The following GPC5 variants were observed in gnomAD, a reference collection of about 807,000 sequenced individuals.
GPC5 encodes glypican 5.
Under a neutral mutation model 53.9 loss-of-function variants are expected in GPC5, and 47 were observed. The observed-to-expected ratio is 0.87, with a 90% CI of 0.69 to 1.11. The LOEUF (loss-of-function observed/expected upper bound fraction) is 1.11, where lower values mean the gene tolerates loss of function less well. GPC5 is among the 50% of genes most tolerant of loss of function. The pLI is 0.00. For synonymous variants in GPC5, 286 were observed against 263.3 expected (o/e 1.09, Z -0.84); for missense variants, 748 against 713.1 (o/e 1.05, Z -0.56).
At chr13:91,500,203 T>C (rs950000892) in intron 2 of GPC5, among the ~76,000 whole-genome samples, 2 of 152,214 alleles carry the variant, frequency 1.3e-5, no homozygotes, top group African/African-American at 4.8e-5. Context: ...AGAATACAAA[T>C]CCTTGAGGAT....
chr13:91,591,454 T>C (rs186592668), intron 2 of GPC5, among the ~76,000 whole-genome samples: 8 of 152,226 alleles, frequency 5.3e-5, no homozygotes, highest in Non-Finnish European at 1.0e-4. Flanking sequence ...CCGGGGTTCT[T>C]GGTATTTTTT....
chr13:92,738,693 G>A (rs1889006202), intron 7 of GPC5, among the ~76,000 whole-genome samples: 1 of 151,966 alleles, frequency 6.6e-6, no homozygotes, highest in Non-Finnish European at 1.5e-5. Context: ...TTTTCCTCAG[G>A]TTATTCTGTC....
At chr13:92,587,857 T>A (rs907229598) in intron 7 of GPC5, among the ~76,000 whole-genome samples, 3 of 152,018 alleles carry the variant, frequency 2.0e-5, no homozygotes, top group African/African-American at 7.2e-5. Flanking sequence ...AATATGCTGG[T>A]TGGAATTACT....
At chr13:92,192,403 T>C (rs1014683146) in intron 7 of GPC5, among the ~76,000 whole-genome samples, 13 of 152,306 alleles carry the variant, frequency 8.5e-5, no homozygotes, top group Admixed American at 3.3e-4. Flanking sequence ...TCTAAAAGTT[T>C]ATTAATTAAT....
chr13:91,715,257 C>G (rs777735324), intron 3 of GPC5, among the ~76,000 whole-genome samples: 2 of 152,114 alleles, frequency 1.3e-5, no homozygotes, highest in Admixed American at 6.5e-5. Flanking sequence ...AACCTGGCCT[C>G]CAGAGACAAG....
intron 7 of GPC5, among the ~76,000 whole-genome samples, chr13:92,743,753 T>A (rs1286755593): frequency 3.3e-5 from 5 of 152,080 alleles, no homozygotes. Flanking sequence ...ATTTTGATAT[T>A]CGTCCCATCA....
At chr13:91,996,631 G>C (rs2040506491) in intron 6 of GPC5, 1 of 152,164 alleles carries the variant, frequency 6.6e-6, no homozygotes, top group Admixed American at 6.5e-5. Context: ...TCATGAACTA[G>C]AACATGGCAA....
At chr13:91,544,010 G>T (rs1420518175) in intron 2 of GPC5, among the ~76,000 whole-genome samples, 2 of 151,728 alleles carry the variant, frequency 1.3e-5, no homozygotes, top group African/African-American at 4.8e-5. Context: ...AAATTTTCCT[G>T]CCTGAATCCC....
intron 7 of GPC5, among the ~76,000 whole-genome samples, chr13:92,233,996 T>A (rs1219716229): frequency 6.6e-6 from 1 of 152,214 alleles, no homozygotes. Context: ...ACTCGTCATT[T>A]TTTATGGCTG....
At chr13:91,923,901 A>C (rs2039741910) in intron 6 of GPC5, among the ~76,000 whole-genome samples, 1 of 152,178 alleles carries the variant, frequency 6.6e-6, no homozygotes, top group African/African-American at 2.4e-5. Context: ...ATTTTAATTC[A>C]TAAGACATAT....
intron 2 of GPC5, among the ~76,000 whole-genome samples, chr13:91,524,970 G>A (rs2138616569): frequency 6.6e-6 from 1 of 152,270 alleles, no homozygotes; most frequent in South Asian, 2.1e-4. Context: ...TAATTTCACT[G>A]TTGCTGTCAA....
chr13:92,825,701 A>G (rs1877823758), intron 7 of GPC5, among the ~76,000 whole-genome samples: 1 of 152,096 alleles, frequency 6.6e-6, no homozygotes, highest in Non-Finnish European at 1.5e-5. Context: ...TCTTAACTCC[A>G]TTCTGATTCT....
At chr13:92,423,890 C>T (rs959202543) in intron 7 of GPC5, among the ~76,000 whole-genome samples, 8 of 151,942 alleles carry the variant, frequency 5.3e-5, no homozygotes, top group African/African-American at 1.2e-4. Context: ...GTATCAGAGC[C>T]GCGTTAAACA....
chr13:91,543,419 T>C (rs2030082706), intron 2 of GPC5, among the ~76,000 whole-genome samples: 1 of 152,226 alleles, frequency 6.6e-6, no homozygotes, highest in South Asian at 2.1e-4. Context: ...ATTTTACATG[T>C]CTTTTAAGCT....
intron 7 of GPC5, among the ~76,000 whole-genome samples, chr13:92,196,332 C>T (rs2042256534): frequency 6.6e-6 from 1 of 151,980 alleles, no homozygotes; most frequent in Admixed American, 6.6e-5. Context: ...AAGGTATGTA[C>T]TTCTTACACA....
At chr13:92,576,731 A>T (rs888806392) in intron 7 of GPC5, among the ~76,000 whole-genome samples, 1 of 152,156 alleles carries the variant, frequency 6.6e-6, no homozygotes, top group Non-Finnish European at 1.5e-5. Context: ...AGCCAGCTGA[A>T]ATCACATGAC....
chr13:92,032,070 A>C (rs1367725438), intron 6 of GPC5, among the ~76,000 whole-genome samples: 1 of 138,998 alleles, frequency 7.2e-6, no homozygotes, highest in East Asian at 2.0e-4. Context: ...TATTATGTAT[A>C]TATAATATAT....
At chr13:92,783,750 G>T (rs183349006) in intron 7 of GPC5, among the ~76,000 whole-genome samples, 17 of 152,180 alleles carry the variant, frequency 1.1e-4, no homozygotes, top group Admixed American at 3.3e-4. Context: ...TTCCTACTGT[G>T]ACTAAAGGTG....
At chr13:92,611,317 C>T (rs1566318882) in intron 7 of GPC5, among the ~76,000 whole-genome samples, 1 of 152,052 alleles carries the variant, frequency 6.6e-6, no homozygotes, top group Non-Finnish European at 1.5e-5. Context: ...AGGCTGTAAT[C>T]CCAGGACCGG....
Sources: gnomAD v4.1 joint callset for allele counts (sites outside exome capture counted in the v4.1 genomes callset) on GRCh38, gnomAD v4.1.1 for gene constraint, MANE v1.5 for transcripts, NCBI Gene and HGNC (gene_info 2026-07-23, HGNC 2026-07-21) for gene names.